The following CFAP221 variants were observed in gnomAD, a reference collection of about 807,000 sequenced individuals.
CFAP221 encodes the protein cilia and flagella associated protein 221.
CFAP221 carries 97 observed loss-of-function variants against 113.1 expected under a neutral mutation model. The observed-to-expected ratio is 0.86, with a 90% CI of 0.73 to 1.02. The LOEUF (loss-of-function observed/expected upper bound fraction) is 1.02, where lower values mean the gene tolerates loss of function less well. Ranked by LOEUF, CFAP221 falls within the 50% of genes least tolerant of loss-of-function variation. The pLI is 0.00. For synonymous variants in CFAP221, 331 were observed against 354.4 expected (o/e 0.93, Z 0.74); for missense variants, 1,025 against 1,013.4 (o/e 1.01, Z -0.16).
intron 3 of CFAP221, among the ~76,000 whole-genome samples, chr2:119,550,509 C>T (rs1273002451): frequency 1.3e-5 from 2 of 152,166 alleles, no homozygotes; most frequent in East Asian, 1.9e-4. Flanking sequence ...CACCCATCAA[C>T]CTCCAAGGTC....
chr2:119,568,368 G>A (rs2104561743), intron 6 of CFAP221, among the ~76,000 whole-genome samples: 1 of 151,816 alleles, frequency 6.6e-6, no homozygotes, highest in South Asian at 2.1e-4. Flanking sequence ...ACATGTGCAG[G>A]ATGTGCAGGT....
intron 19 of CFAP221, among the ~76,000 whole-genome samples, chr2:119,634,999 G>C (rs1687026396): frequency 6.6e-6 from 1 of 152,090 alleles, no homozygotes; most frequent in Admixed American, 6.5e-5. Context: ...ATTTTTAAAA[G>C]AATTATCAGA....
intron 6 of CFAP221, chr2:119,586,826 C>T (rs1683258385): frequency 3.9e-6 from 1 of 259,582 alleles, no homozygotes; most frequent in Middle Eastern, 1.2e-3. Context: ...CAATCGACTA[C>T]ATTAAATCAT....
chr2:119,560,570 C>G (rs1681173092), intron 5 of CFAP221, among the ~76,000 whole-genome samples: 1 of 152,126 alleles, frequency 6.6e-6, no homozygotes, highest in South Asian at 2.1e-4. Context: ...GTCATTCCTT[C>G]TCTTAAAACT....
At chr2:119,557,393 T>C (rs2104527918) in intron 3 of CFAP221, 1 of 152,370 alleles carries the variant, frequency 6.6e-6, no homozygotes, top group Admixed American at 6.5e-5. Context: ...TGGGGAGGCT[T>C]TGATGGCCGC....
At chr2:119,544,799 G>A (rs939963398) in intron 1 of CFAP221, among the ~76,000 whole-genome samples, 8 of 152,126 alleles carry the variant, frequency 5.3e-5, no homozygotes, top group African/African-American at 1.9e-4. Flanking sequence ...TGGGGCGAGG[G>A]AACGAGGGTG....
intron 4 of CFAP221, 31 bp downstream of exon 4, chr2:119,559,806 C>G: frequency 6.7e-7 from 1 of 1,493,510 alleles, no homozygotes; most frequent in Non-Finnish European, 9.0e-7. Flanking sequence ...TGTTCTCCCA[C>G]GGTGTGGTTG....
chr2:119,620,028 A>C (rs531566038), intron 14 of CFAP221, among the ~76,000 whole-genome samples: 3 of 152,206 alleles, frequency 2.0e-5, no homozygotes, highest in Non-Finnish European at 4.4e-5. Flanking sequence ...AAGCGTGAAG[A>C]CAAGATTAGA....
intron 11 of CFAP221, 44 bp downstream of exon 11, chr2:119,605,333 T>C (rs1176062691): frequency 7.1e-7 from 1 of 1,405,614 alleles, no homozygotes; most frequent in East Asian, 2.3e-5. Context: ...AGTACAGTTA[T>C]TTTTAGGTGA....
intron 3 of CFAP221, among the ~76,000 whole-genome samples, chr2:119,549,404 A>C (rs1304418306): frequency 6.6e-6 from 1 of 152,206 alleles, no homozygotes; most frequent in Non-Finnish European, 1.5e-5. Flanking sequence ...CACTCTTTCC[A>C]GATAGGTGTC....
chr2:119,578,627 G>T (rs897066635), intron 6 of CFAP221, among the ~76,000 whole-genome samples: 1 of 152,296 alleles, frequency 6.6e-6, no homozygotes, highest in South Asian at 2.1e-4. Flanking sequence ...ACATCTCTGT[G>T]TGAAGGCTTT....
chr2:119,611,650 C>T lies in CFAP221; in HGVS notation c.1222-3C>T, dbSNP rs1685173573. The T allele has an allele frequency of 6.2e-7, 1 of 1,609,422 alleles. No individual in the cohort carries two copies. Among genetic ancestry groups the T allele is most frequent in the Non-Finnish European group, 8.5e-7 (1 of 1,178,416 alleles). On this transcript the variant is annotated splice_region_variant and splice_polypyrimidine_tract_variant and intron_variant, in intron 12 of 23. Coordinates refer to ENST00000413369, the MANE Select transcript of CFAP221 (RefSeq NM_001271049.2). ...TAAATTATTTTGATGATTAAAAACC[C>T]AGCTAGACAGAGGAGATCCTATTTT...
intron 6 of CFAP221, among the ~76,000 whole-genome samples, chr2:119,583,013 T>C (rs1682954261): frequency 6.6e-6 from 1 of 152,178 alleles, no homozygotes; most frequent in South Asian, 2.1e-4. Context: ...GAAAAGATTA[T>C]CCTACCTGCT....
chr2:119,617,438 G>A (rs1685605342), intron 14 of CFAP221, among the ~76,000 whole-genome samples: 1 of 152,210 alleles, frequency 6.6e-6, no homozygotes, highest in South Asian at 2.1e-4. Flanking sequence ...GGAAAGCACA[G>A]CCATTGACAA....
chr2:119,546,141 G>T lies in CFAP221; in HGVS notation c.10G>T (p.Val4Leu). MAVVKTPSRGLKNA... is the reference protein window; with the variant it reads MAVLKTPSRGLKNA... The stretch of plus-strand genomic sequence containing the variant: ...CATTTTTCATGATAAAATGGCAGTG[G>T]TGAAAACCCCCAGCAGAGGACTAAA... The change falls in exon 2 of 24, where the codon GTG (valine) becomes TTG (leucine). Residue 4 changes from valine (V) to leucine (L), a missense_variant. Coordinates refer to ENST00000413369, the MANE Select transcript of CFAP221 (RefSeq NM_001271049.2). The T allele has an allele frequency of 6.5e-7, 1 of 1,528,730 alleles. No homozygotes were observed. Among genetic ancestry groups the T allele is most frequent in the African/African-American group, 1.4e-5 (1 of 72,522 alleles). 94.7% of individuals were successfully genotyped at this position (1,528,730 alleles called of 1,614,324 possible).
At chr2:119,603,093 A>G (rs963787573) in intron 8 of CFAP221, among the ~76,000 whole-genome samples, 4 of 152,240 alleles carry the variant, frequency 2.6e-5, no homozygotes, top group Admixed American at 6.5e-5. Context: ...TGAACAGGAA[A>G]AAATACTGGC....
intron 7 of CFAP221, chr2:119,590,124 AATTATAGC>A (rs1006033285): frequency 1.3e-5 from 2 of 152,188 alleles, no homozygotes; most frequent in Admixed American, 1.3e-4. Flanking sequence ...ATAAATGGTA[AATTATAGC>A]ATTAAGTGGC....
chr2:119,555,615 A>G (rs1195454930), intron 3 of CFAP221, among the ~76,000 whole-genome samples: 4 of 152,208 alleles, frequency 2.6e-5, no homozygotes, highest in African/African-American at 9.6e-5. Context: ...TGATCTGCTG[A>G]TAAAGTATTA....
chr2:119,605,890 GAT>G (rs925395233), intron 11 of CFAP221, among the ~76,000 whole-genome samples: 1 of 152,022 alleles, frequency 6.6e-6, no homozygotes, highest in African/African-American at 2.4e-5. Context: ...ACATAAAAAA[GAT>G]ATGGTCACAT....
Sources: allele counts gnomAD v4.1 joint callset (sites outside exome capture counted in the v4.1 genomes callset), GRCh38; gene constraint gnomAD v4.1.1; transcripts MANE v1.5; gene names NCBI Gene and HGNC (gene_info 2026-07-23, HGNC 2026-07-21).